GRID2: variants seen among roughly 807,000 people sequenced by gnomAD.
GRID2 encodes glutamate receptor ionotropic, delta-2.
GRID2 carries 33 observed loss-of-function variants against 114.8 expected under a neutral mutation model. The observed-to-expected ratio is 0.29, with a 90% CI of 0.22 to 0.38. The LOEUF (loss-of-function observed/expected upper bound fraction) is 0.38, where lower values mean the gene tolerates loss of function less well. Among genes scored for constraint, GRID2 ranks in the 10% least tolerant of loss-of-function variants. The probability of loss-of-function intolerance (pLI) is 1.00; values close to 1 mark genes in which losing one functional copy is unlikely to be tolerated. For missense variants in GRID2, 1,184 were observed against 1,257.7 expected (o/e 0.94, Z 0.89); for synonymous variants, 505 against 449.9 (o/e 1.12, Z -1.55).
chr4:93,659,674 G>C (rs1000498595), intron 14 of GRID2, among the ~76,000 whole-genome samples: 1 of 152,126 alleles, frequency 6.6e-6, no homozygotes, highest in African/African-American at 2.4e-5. Context: ...AGGAAGAAGA[G>C]ATATAATGAA....
rs1349569985 is a variant in GRID2 at position 92,472,233 on chromosome 4, G to GAT, written c.89-117898_89-117897insAT. On this transcript the variant is annotated intron_variant, in intron 1 of 15. Transcript: ENST00000282020. ...CAGGCGTGAGCCACCGCGCCCGGCC[G>GAT]TTATCCATATTTCTATGAATGTCAA... Among the ~76,000 whole-genome samples, 6 of 60,852 alleles carry GAT rather than the reference G, an allele frequency of 9.9e-5. 1 individual carries two copies. Among genetic ancestry groups the GAT allele is most frequent in the African/African-American group, 2.0e-4 (2 of 10,232 alleles). The allele number at this position is 60,852 out of a possible 152,430, so 39.9% of individuals were successfully genotyped here. A position where few individuals can be genotyped will look rare whatever the true frequency, so the allele number is the denominator to read the frequency against.
chr4:93,660,328 C>T (rs548907934), intron 14 of GRID2, among the ~76,000 whole-genome samples: 2 of 152,130 alleles, frequency 1.3e-5, no homozygotes, highest in African/African-American at 4.8e-5. Context: ...CCAGCAGATA[C>T]ATGTAGTCAC....
intron 1 of GRID2, among the ~76,000 whole-genome samples, chr4:92,521,363 T>C (rs1225041382): frequency 2.6e-5 from 4 of 151,882 alleles, no homozygotes; most frequent in Non-Finnish European, 5.9e-5. Context: ...CATAAAAATA[T>C]AAAAGAAAGT....
intron 2 of GRID2, among the ~76,000 whole-genome samples, chr4:92,615,268 G>C (rs1729954912): frequency 6.6e-6 from 1 of 151,454 alleles, no homozygotes; most frequent in Non-Finnish European, 1.5e-5. Context: ...CAAGCTCTCT[G>C]AGGCCTTTTC....
chr4:92,811,174 T>C (rs892430653), intron 2 of GRID2, among the ~76,000 whole-genome samples: 3 of 152,164 alleles, frequency 2.0e-5, no homozygotes, highest in African/African-American at 7.2e-5. Context: ...TTTTGCAGTA[T>C]GCAACTGTCC....
intron 1 of GRID2, among the ~76,000 whole-genome samples, chr4:92,568,823 A>T (rs2149189869): frequency 6.6e-6 from 1 of 151,966 alleles, no homozygotes; most frequent in Non-Finnish European, 1.5e-5. Context: ...AATGTGCTAT[A>T]TTTGGTTTTC....
intron 1 of GRID2, among the ~76,000 whole-genome samples, chr4:92,562,012 C>A (rs1483637424): frequency 5.9e-5 from 9 of 152,164 alleles, no homozygotes; most frequent in Admixed American, 4.6e-4. Flanking sequence ...CAAACTCACA[C>A]CTACAAATAA....
At chr4:92,746,705 C>A (rs1450824267) in intron 2 of GRID2, among the ~76,000 whole-genome samples, 1 of 152,098 alleles carries the variant, frequency 6.6e-6, no homozygotes, top group Admixed American at 6.5e-5. Flanking sequence ...TTTTTTCTTA[C>A]CTTCTGTATT....
chr4:92,956,446 C>T (rs774134229), intron 2 of GRID2, among the ~76,000 whole-genome samples: 1 of 152,178 alleles, frequency 6.6e-6, no homozygotes, highest in Non-Finnish European at 1.5e-5. Context: ...AGTTTCACCT[C>T]TTCCAGAATG....
At chr4:92,753,109 T>A (rs1183138870) in intron 2 of GRID2, among the ~76,000 whole-genome samples, 1 of 152,200 alleles carries the variant, frequency 6.6e-6, no homozygotes, top group African/African-American at 2.4e-5. Flanking sequence ...CAAATGTAAG[T>A]AATACACACA....
chr4:93,102,103 T>C (rs1297528193), intron 3 of GRID2, among the ~76,000 whole-genome samples: 1 of 152,172 alleles, frequency 6.6e-6, no homozygotes, highest in Non-Finnish European at 1.5e-5. Flanking sequence ...AGAAGTTTAC[T>C]TCAAAATAGC....
At chr4:92,926,549 T>A (rs1049217026) in intron 2 of GRID2, among the ~76,000 whole-genome samples, 5 of 151,984 alleles carry the variant, frequency 3.3e-5, no homozygotes, top group African/African-American at 1.2e-4. Context: ...AAAGACATCC[T>A]TTCAAGTATA....
At chr4:93,648,720 G>A (rs1578475443) in intron 14 of GRID2, among the ~76,000 whole-genome samples, 1 of 152,284 alleles carries the variant, frequency 6.6e-6, no homozygotes, top group East Asian at 1.9e-4. Flanking sequence ...CAAGTTCCAG[G>A]TGATGCTGTG....
At chr4:93,017,152 A>C (rs1722826458) in intron 2 of GRID2, among the ~76,000 whole-genome samples, 1 of 152,164 alleles carries the variant, frequency 6.6e-6, no homozygotes, top group African/African-American at 2.4e-5. Context: ...TTTGTTTCCC[A>C]TGGGGATTTT....
chr4:92,398,418 G>A (rs961886167), intron 1 of GRID2, among the ~76,000 whole-genome samples: 5 of 151,828 alleles, frequency 3.3e-5, no homozygotes, highest in Non-Finnish European at 7.4e-5. Flanking sequence ...CTCCTGCCTC[G>A]GCCTCCAGAG....
intron 4 of GRID2, among the ~76,000 whole-genome samples, chr4:93,131,986 AT>A (rs1185208682): frequency 2.6e-5 from 4 of 152,140 alleles, no homozygotes; most frequent in African/African-American, 9.7e-5. Context: ...TTCTTTAGTC[AT>A]TTATTCCCAC....
In GRID2 at chr4:93,243,776, T is replaced by A. The variant is rs181278227; in HGVS notation, c.1245+5286T>A. On this transcript the variant is annotated intron_variant, in intron 8 of 15. Coordinates refer to ENST00000282020, the MANE Select transcript of GRID2 (RefSeq NM_001510.4). The stretch of plus-strand genomic sequence containing the variant: ...AGGACTTTCTTACTTTGATAATTTT[T>A]ACATGTTCTTCTATTTTGTCATAAG... 4.6e-5 allele frequency among the ~76,000 whole-genome samples: 7 copies of A among 152,258 alleles called. No homozygotes were observed. In the East Asian group the frequency reaches 1.3e-3, roughly 29 times the overall value.
chr4:92,627,713 T>C (rs1032547977), intron 2 of GRID2, among the ~76,000 whole-genome samples: 1 of 152,188 alleles, frequency 6.6e-6, no homozygotes, highest in Non-Finnish European at 1.5e-5. Flanking sequence ...CTCATTCTTC[T>C]AAAAGTATAT....
At chr4:92,724,492 A>C (rs537307379) in intron 2 of GRID2, among the ~76,000 whole-genome samples, 1 of 152,164 alleles carries the variant, frequency 6.6e-6, no homozygotes, top group African/African-American at 2.4e-5. Context: ...ATCAAAATCT[A>C]TGCTCCTTAA....
Sources: allele counts gnomAD v4.1 joint callset (sites outside exome capture counted in the v4.1 genomes callset), GRCh38; gene constraint gnomAD v4.1.1; transcripts MANE v1.5; gene names NCBI Gene and HGNC (gene_info 2026-07-23, HGNC 2026-07-21).